The following SV2C variants were observed in gnomAD, a reference collection of about 807,000 sequenced individuals.
SV2C encodes the protein synaptic vesicle glycoprotein 2C, also known as solute carrier family 22 member B3.
SV2C carries 49 observed loss-of-function variants against 79.7 expected under a neutral mutation model. The observed-to-expected ratio is 0.61, with a 90% confidence interval of 0.49 to 0.78. The LOEUF (loss-of-function observed/expected upper bound fraction) is 0.78. SV2C is among the 30% of genes least tolerant of loss of function. SV2C has a pLI of 0.00. For missense variants in SV2C, 833 were observed against 912.9 expected (o/e 0.91, Z 1.13); for synonymous variants, 334 against 333.2 (o/e 1.00, Z -0.03).
At chr5:76,000,162 A>C in the SV2C span, among the ~76,000 whole-genome samples, 1 of 152,126 alleles carries the variant, frequency 6.6e-6, no homozygotes, top group Non-Finnish European at 1.5e-5. Context: ...TCACAGACAC[A>C]CCCAGAAATA....
intron 4 of SV2C, among the ~76,000 whole-genome samples, chr5:76,253,311 A>C (rs1409396472): frequency 3.9e-5 from 6 of 152,014 alleles, no homozygotes; most frequent in Non-Finnish European, 5.9e-5. Flanking sequence ...GGTTTTTTTG[A>C]GACGAGATCT....
At chr5:75,954,718 A>G in the SV2C span, among the ~76,000 whole-genome samples, 1 of 150,368 alleles carries the variant, frequency 6.7e-6, no homozygotes, top group South Asian at 2.1e-4. Context: ...AAATCAATGT[A>G]CAAAAATCAC....
At chr5:76,237,849 T>A (rs958976633) in intron 4 of SV2C, among the ~76,000 whole-genome samples, 3 of 152,138 alleles carry the variant, frequency 2.0e-5, no homozygotes, top group Non-Finnish European at 2.9e-5. Context: ...AGTTCTTATC[T>A]ACTCTTTATC....
intron 12 of SV2C, among the ~76,000 whole-genome samples, chr5:76,301,892 G>C (rs1748017346): frequency 8.9e-6 from 1 of 112,926 alleles, no homozygotes. Flanking sequence ...CTGGGCAACA[G>C]AGTGAGACAC....
At chr5:76,257,888 A>T (rs770826968) in intron 4 of SV2C, among the ~76,000 whole-genome samples, 1 of 143,292 alleles carries the variant, frequency 7.0e-6, no homozygotes, top group Non-Finnish European at 1.5e-5. Flanking sequence ...GGGTTTGAAC[A>T]TGTGTGGTGT....
At chr5:76,110,651 T>A (rs1748068874) in intron 1 of SV2C, among the ~76,000 whole-genome samples, 1 of 152,236 alleles carries the variant, frequency 6.6e-6, no homozygotes, top group Admixed American at 6.5e-5. Context: ...AAGTGAGTTC[T>A]GGGCACAGGA....
the SV2C span, among the ~76,000 whole-genome samples, chr5:75,891,898 G>A: frequency 3.3e-5 from 5 of 151,966 alleles, no homozygotes; most frequent in African/African-American, 7.2e-5. Context: ...GAGATCTATC[G>A]GATGCTAGAG....
In SV2C at chr5:76,316,167, G is replaced by A. The variant is rs143367587; in HGVS notation, c.2001-9197G>A. 8.1e-4 allele frequency among the ~76,000 whole-genome samples: 124 copies of A among 152,292 alleles called. No homozygotes were observed. The East Asian group carries it at 0.023, about 28-fold the overall frequency. On this transcript the variant is annotated intron_variant, in intron 12 of 12. Coordinates refer to ENST00000502798, the MANE Select transcript of SV2C (RefSeq NM_014979.4). ...AATTGTCTAAATCCTCTGATTTCCT[G>A]TGATTTATATGACTGGAAGTACACT...
the SV2C span, among the ~76,000 whole-genome samples, chr5:75,968,179 C>A: frequency 6.6e-6 from 1 of 152,064 alleles, no homozygotes; most frequent in African/African-American, 2.4e-5. Flanking sequence ...TGTACGTCAC[C>A]ATCATCAAAG....
the SV2C span, among the ~76,000 whole-genome samples, chr5:75,859,526 G>C: frequency 2.0e-5 from 3 of 152,148 alleles, no homozygotes; most frequent in Non-Finnish European, 4.4e-5. Context: ...TTGTTAATGT[G>C]GGAAAGAGAG....
chr5:76,290,206 G>T (rs1420375218), intron 6 of SV2C, among the ~76,000 whole-genome samples: 1 of 152,164 alleles, frequency 6.6e-6, no homozygotes, highest in Non-Finnish European at 1.5e-5. Flanking sequence ...TTTTTGCTAA[G>T]TACAGACATC....
intron 1 of SV2C, among the ~76,000 whole-genome samples, chr5:76,119,676 T>C (rs967993181): frequency 6.6e-6 from 1 of 151,144 alleles, no homozygotes; most frequent in African/African-American, 2.4e-5. Context: ...CATGGGGCTC[T>C]GGCAGAGGCA....
At chr5:75,905,453 A>G in the SV2C span, among the ~76,000 whole-genome samples, 1 of 152,252 alleles carries the variant, frequency 6.6e-6, no homozygotes. Flanking sequence ...AAAAATAAAT[A>G]GCAGCTTCTT....
chr5:75,907,476 G>C, the SV2C span, among the ~76,000 whole-genome samples: 7 of 152,144 alleles, frequency 4.6e-5, no homozygotes, highest in South Asian at 1.5e-3. Context: ...AGCGCGGTGG[G>C]ATGGGGGGAG....
At chr5:75,974,887 T>A in the SV2C span, among the ~76,000 whole-genome samples, 1 of 152,112 alleles carries the variant, frequency 6.6e-6, no homozygotes. Context: ...ATTATTGCCA[T>A]TTTACAGATT....
chr5:76,169,371 C>T (rs1050538212), intron 2 of SV2C, among the ~76,000 whole-genome samples: 12 of 152,278 alleles, frequency 7.9e-5, no homozygotes, highest in Admixed American at 6.5e-4. Context: ...AGCATCTAGA[C>T]ATGATGTAAT....
chr5:76,194,777 C>A, intron 2 of SV2C, 142 bp from the exon 3 acceptor site: 1 of 966,942 alleles, frequency 1.0e-6, no homozygotes, highest in Admixed American at 2.6e-5. Flanking sequence ...AAACTGATTA[C>A]TGTGTCCTGA....
the SV2C span, among the ~76,000 whole-genome samples, chr5:75,876,209 T>A: frequency 3.2e-4 from 48 of 152,228 alleles, no homozygotes; most frequent in African/African-American, 1.1e-3. Flanking sequence ...GAAAACATGG[T>A]ACATATACAT....
chr5:75,871,964 A>G, the SV2C span, among the ~76,000 whole-genome samples: 7 of 147,646 alleles, frequency 4.7e-5, no homozygotes, highest in African/African-American at 1.5e-4. Flanking sequence ...GCTAGTACAC[A>G]CACGTATATT....
Sources: gnomAD v4.1 joint callset for allele counts (sites outside exome capture counted in the v4.1 genomes callset) on GRCh38, gnomAD v4.1.1 for gene constraint, MANE v1.5 for transcripts, NCBI Gene and HGNC (gene_info 2026-07-23, HGNC 2026-07-21) for gene names.